The following RAPGEF1 variants were observed in gnomAD, a reference collection of about 807,000 sequenced individuals.
RAPGEF1 encodes CRK SH3-binding GNRP.
In RAPGEF1, 33 loss-of-function variants were observed where a neutral mutation model predicts 143.3. The observed-to-expected ratio is 0.23, with a 90% CI of 0.17 to 0.31. The LOEUF (loss-of-function observed/expected upper bound fraction) is 0.31, where lower values mean the gene tolerates loss of function less well. RAPGEF1 is among the 10% of genes least tolerant of loss of function. The probability of loss-of-function intolerance (pLI) is 1.00; values close to 1 mark genes in which losing one functional copy is unlikely to be tolerated. For missense variants in RAPGEF1, 1,199 were observed against 1,645.4 expected (o/e 0.73, Z 4.69); for synonymous variants, 629 against 676.5 (o/e 0.93, Z 1.09).
At chr9:131,624,094 C>G (rs1445762865) in intron 10 of RAPGEF1, among the ~76,000 whole-genome samples, 1 of 152,116 alleles carries the variant, frequency 6.6e-6, no homozygotes, top group African/African-American at 2.4e-5. Context: ...AGGGCTGAAT[C>G]TCTTCCTCCT....
chr9:131,698,823 G>A (rs1483389078), intron 1 of RAPGEF1, among the ~76,000 whole-genome samples: 4 of 152,194 alleles, frequency 2.6e-5, no homozygotes, highest in African/African-American at 7.2e-5. Flanking sequence ...GTAGACACTT[G>A]AGGAACCCTA....
intron 3 of RAPGEF1, among the ~76,000 whole-genome samples, chr9:131,647,258 A>C (rs1040353817): frequency 2.0e-5 from 3 of 152,232 alleles, no homozygotes. Context: ...AACAGAATAT[A>C]GTGAGAAAAA....
At chr9:131,592,662 A>G (rs1954530625) in intron 17 of RAPGEF1, among the ~76,000 whole-genome samples, 1 of 152,192 alleles carries the variant, frequency 6.6e-6, no homozygotes, top group South Asian at 2.1e-4. Context: ...GGTCTCAGCC[A>G]TCATGGGAAC....
intron 1 of RAPGEF1, among the ~76,000 whole-genome samples, chr9:131,665,880 G>A (rs1830347802): frequency 6.6e-6 from 1 of 152,174 alleles, no homozygotes; most frequent in South Asian, 2.1e-4. Flanking sequence ...CTACCTTACT[G>A]TCTTCTTTTC....
chr9:131,667,768 G>A lies in RAPGEF1; in HGVS notation c.62-16819C>T, dbSNP rs1407155239. On this transcript the variant is annotated intron_variant, in intron 1 of 26. Coordinates refer to ENST00000683357, the MANE Select transcript of RAPGEF1 (RefSeq NM_001377935.1). This position sits in a 1 kb window ranked among gnomAD's most constrained non-coding sequence, Gnocchi z 4.6. ...ACGTCTCAGATGGAAGGGAAAGGCC[G>A]TCATCTTGTGTGATGCTGAGTCAGC... 2.0e-5 allele frequency among the ~76,000 whole-genome samples: 3 copies of A among 152,144 alleles called. No homozygotes were observed. Among genetic ancestry groups the A allele is most frequent in the African/African-American group, 7.2e-5 (3 of 41,432 alleles).
intron 1 of RAPGEF1, among the ~76,000 whole-genome samples, chr9:131,733,667 C>T (rs1232156471): frequency 1.3e-5 from 2 of 151,988 alleles, no homozygotes; most frequent in African/African-American, 2.4e-5. Flanking sequence ...ACACCTGTCC[C>T]GGCGGCGAGG....
chr9:131,594,113 A>G (rs1954832679), intron 17 of RAPGEF1, among the ~76,000 whole-genome samples: 1 of 152,018 alleles, frequency 6.6e-6, no homozygotes, highest in Non-Finnish European at 1.5e-5. Flanking sequence ...ATGTCTGCCC[A>G]ATTCCAGAGC....
At chr9:131,717,562 G>A (rs1835947463) in intron 1 of RAPGEF1, among the ~76,000 whole-genome samples, 1 of 152,142 alleles carries the variant, frequency 6.6e-6, no homozygotes, top group African/African-American at 2.4e-5. Context: ...GATTGCCTGA[G>A]CTCAGGAGTT....
In RAPGEF1 at chr9:131,579,266, C is replaced by T. The variant is rs1951505171; in HGVS notation, c.*231G>A. The T allele has an allele frequency of 1.5e-5, 8 of 545,000 alleles. No homozygotes were observed. The South Asian group carries it at 1.7e-4, about 12-fold the overall frequency. The allele number at this position is 545,000 out of a possible 1,614,324, so 33.8% of individuals were successfully genotyped here. A position where few individuals can be genotyped will look rare whatever the true frequency, so the allele number is the denominator to read the frequency against. The stretch of plus-strand genomic sequence containing the variant: ...AAACCACCGGTTTGTAAATTGGCAA[C>T]AAGACCTGCCTGCTGGCTGCCCTGA... On this transcript the variant is annotated 3_prime_UTR_variant, in exon 27 of 27. Transcript: ENST00000683357.
At chr9:131,594,278 C>T (rs1230323340) in intron 17 of RAPGEF1, among the ~76,000 whole-genome samples, 2 of 152,196 alleles carry the variant, frequency 1.3e-5, no homozygotes, top group Non-Finnish European at 2.9e-5. Context: ...TTGAGACAGC[C>T]CTAAAAGGCC....
chr9:131,647,619 C>T (rs1361294022), intron 3 of RAPGEF1, among the ~76,000 whole-genome samples: 2 of 152,238 alleles, frequency 1.3e-5, no homozygotes, highest in Non-Finnish European at 1.5e-5. Context: ...GGACATAATC[C>T]TCTAAGTCCA....
rs189997513 is a variant in RAPGEF1 at position 131,639,416 on chromosome 9, G to A, written c.495-625C>T. Among the ~76,000 whole-genome samples the A allele has an allele frequency of 7.6e-4, 110 of 144,958 alleles. 1 individual carries two copies. Among genetic ancestry groups the A allele is most frequent in the Admixed American group, 6.7e-3 (94 of 13,928 alleles). ...CGGGGCCTGTGATGGTGGTGGGGAT[G>A]TGAGGATGGGAACGCAGGTGAGTGT... On this transcript the variant is annotated intron_variant, in intron 4 of 26. Transcript: ENST00000683357.
At chr9:131,682,963 G>A (rs1386899063) in intron 1 of RAPGEF1, among the ~76,000 whole-genome samples, 1 of 152,190 alleles carries the variant, frequency 6.6e-6, no homozygotes, top group African/African-American at 2.4e-5. Flanking sequence ...TGAAGGGCCC[G>A]ATGGACGACC....
rs968070438 is a variant in RAPGEF1 at position 131,621,491 on chromosome 9, G to C, written c.1905+305C>G. The stretch of plus-strand genomic sequence containing the variant: ...CCAAAGAAGAAAGAAAAAAATACAA[G>C]AGACTGTCAGCAGAGAGAGCAAACA... On this transcript the variant is annotated intron_variant, in intron 11 of 26. Transcript: ENST00000683357. The surrounding 1 kb of genome is among the most constrained non-coding windows in gnomAD (Gnocchi z 4.5). Among the ~76,000 whole-genome samples the C allele has an allele frequency of 6.6e-5, 10 of 152,218 alleles. No homozygotes were observed. Among genetic ancestry groups the C allele is most frequent in the African/African-American group, 2.4e-4 (10 of 41,448 alleles).
At chr9:131,739,748 C>A in intron 1 of RAPGEF1, 22 bp downstream of exon 1, 2 of 1,131,506 alleles carry the variant, frequency 1.8e-6, no homozygotes, top group Non-Finnish European at 1.1e-6. Context: ...CCGGAGGGAG[C>A]CGCCCCACGC....
chr9:131,663,565 G>A (rs746298844), intron 1 of RAPGEF1, among the ~76,000 whole-genome samples: 1 of 151,800 alleles, frequency 6.6e-6, no homozygotes, highest in Non-Finnish European at 1.5e-5. Flanking sequence ...GGACGGGACT[G>A]GCTTTTGGAC....
Position 131,582,706 on chromosome 9 carries a change from G to GCAGGA in RAPGEF1, c.3415-9_3415-5dup, listed in dbSNP as rs758159197. On this transcript the variant is annotated splice_polypyrimidine_tract_variant and splice_region_variant and intron_variant, in intron 24 of 26. Transcript: ENST00000683357. ...GTGTGCAGTACTCGGCCAGGCCCTG[G>GCAGGA]CAGGACAGGACAGGACAGGACCGGA... 7.7e-6 allele frequency: 12 copies of GCAGGA among 1,560,798 alleles called. No homozygotes were observed. The highest frequency in any genetic ancestry group is 2.4e-5 in the South Asian group (2 of 83,116).
At chr9:131,680,419 A>G (rs1400577546) in intron 1 of RAPGEF1, among the ~76,000 whole-genome samples, 1 of 152,162 alleles carries the variant, frequency 6.6e-6, no homozygotes, top group Non-Finnish European at 1.5e-5. Context: ...TGGCCCCAAA[A>G]CTGGTCATAA....
At position 131,633,414 on chromosome 9, in the gene RAPGEF1, C is replaced by A. The variant is rs528617091; in HGVS notation, c.652-3090G>T. Among the ~76,000 whole-genome samples, 3 of 152,262 alleles carry A rather than the reference C, an allele frequency of 2.0e-5. No homozygotes were observed. In the East Asian group the frequency reaches 5.8e-4, roughly 29 times the overall value. On this transcript the variant is annotated intron_variant, in intron 5 of 26. Coordinates refer to ENST00000683357, the MANE Select transcript of RAPGEF1 (RefSeq NM_001377935.1). ...GCGCCAGAACACAGTGCCCTGGATG[C>A]CCCACTTTCAGATTCACTCTTCTTT...
Sources: allele counts gnomAD v4.1 joint callset (sites outside exome capture counted in the v4.1 genomes callset), GRCh38; gene constraint gnomAD v4.1.1; non-coding constraint Gnocchi (gnomAD v3.1); transcripts MANE v1.5; gene names NCBI Gene and HGNC (gene_info 2026-07-23, HGNC 2026-07-21).